DOCK7: variants seen among roughly 807,000 people sequenced by gnomAD.
DOCK7 encodes the protein dedicator of cytokinesis protein 7.
A neutral mutation model predicts 271.0 loss-of-function variants in DOCK7; 138 were observed. The observed-to-expected ratio is 0.51, with a 90% confidence interval of 0.44 to 0.59. DOCK7 has a LOEUF of 0.59. Among genes scored for constraint, DOCK7 ranks in the 20% least tolerant of loss-of-function variants. The probability of loss-of-function intolerance (pLI) is 0.00; values close to 1 mark genes in which losing one functional copy is unlikely to be tolerated. For missense variants in DOCK7, 2,066 were observed against 2,592.4 expected (o/e 0.80, Z 4.41); for synonymous variants, 823 against 876.1 (o/e 0.94, Z 1.07).
intron 14 of DOCK7, chr1:62,598,623 T>C (rs1649641067): frequency 4.9e-6 from 4 of 810,780 alleles, no homozygotes; most frequent in East Asian, 2.5e-5. Flanking sequence ...ATTTAGATTA[T>C]GATAGTGTTA....
intron 1 of DOCK7, among the ~76,000 whole-genome samples, chr1:62,670,787 G>C (rs1165805984): frequency 6.6e-6 from 1 of 152,170 alleles, no homozygotes; most frequent in Non-Finnish European, 1.5e-5. Context: ...CAATCAGCAG[G>C]ATGTGGGTGG....
chr1:62,625,810 T>TTA (rs1653880828), intron 11 of DOCK7, among the ~76,000 whole-genome samples: 1 of 152,166 alleles, frequency 6.6e-6, no homozygotes, highest in Non-Finnish European at 1.5e-5. Context: ...GATAATCCTA[T>TTA]TATTTAAAAC....
chr1:62,495,743 T>A (rs1423704656), intron 38 of DOCK7, 62 bp from the exon 39 acceptor site: 2 of 1,298,800 alleles, frequency 1.5e-6, no homozygotes, highest in Non-Finnish European at 2.1e-6. Flanking sequence ...ATCACCAAAT[T>A]AGTTTCAGAG....
At chr1:62,624,879 G>T (rs1430355349) in intron 12 of DOCK7, among the ~76,000 whole-genome samples, 7 of 151,952 alleles carry the variant, frequency 4.6e-5, no homozygotes, top group Non-Finnish European at 8.8e-5. Flanking sequence ...GCTGAGGCAG[G>T]GAGAACTGCT....
intron 37 of DOCK7, among the ~76,000 whole-genome samples, chr1:62,501,139 C>T (rs1481097741): frequency 2.6e-5 from 4 of 152,090 alleles, no homozygotes; most frequent in South Asian, 4.1e-4. Context: ...CCTGAGCCTA[C>T]GAGTTCAAGA....
At chr1:62,479,128 C>T (rs1646045981) in intron 43 of DOCK7, 1 of 151,982 alleles carries the variant, frequency 6.6e-6, no homozygotes, top group Non-Finnish European at 1.5e-5. Flanking sequence ...TAAGTAAATA[C>T]CTCTGAATTC....
At chr1:62,688,133 C>T in intron 1 of DOCK7, 94 bp downstream of exon 1, 1 of 1,205,144 alleles carries the variant, frequency 8.3e-7, no homozygotes, top group Non-Finnish European at 1.0e-6. Context: ...GTGCCGGCCC[C>T]GCCACACCCA....
chr1:62,475,430 T>G, intron 46 of DOCK7, 79 bp from the exon 47 acceptor site: 1 of 1,432,492 alleles, frequency 7.0e-7, no homozygotes, highest in Non-Finnish European at 9.3e-7. Flanking sequence ...CAACTGAAAT[T>G]AGAAAAAAAA....
chr1:62,666,185 T>TA (rs1659299842), intron 1 of DOCK7, among the ~76,000 whole-genome samples: 1 of 151,822 alleles, frequency 6.6e-6, no homozygotes, highest in African/African-American at 2.4e-5. Context: ...AATAAAAATT[T>TA]AAAAAATCAC....
In DOCK7 at chr1:62,601,848, T is replaced by C. The variant is rs538757784; in HGVS notation, c.1683-15224A>G. The C allele has an allele frequency of 1.9e-5, 30 of 1,609,810 alleles. No homozygotes were observed. The South Asian group carries it at 2.7e-4, about 15-fold the overall frequency. Reference sequence around the variant, plus strand: ...TGTATGCCATCAGACCCAGCAACTCTCAAGTTTTTCATGTCTACTGTGATG... The same window carrying C: ...TGTATGCCATCAGACCCAGCAACTCCCAAGTTTTTCATGTCTACTGTGATG... On this transcript the variant is annotated intron_variant, in intron 14 of 49. Coordinates refer to ENST00000635253, the MANE Select transcript of DOCK7 (RefSeq NM_001367561.1).
intron 14 of DOCK7, chr1:62,604,822 A>G (rs1557788896): frequency 1.2e-6 from 2 of 1,612,014 alleles, no homozygotes; most frequent in Admixed American, 1.7e-5. Context: ...GAATGAACTG[A>G]GGCAAATTTA....
At chr1:62,653,673 T>C (rs1033164006) in intron 4 of DOCK7, 52 bp downstream of exon 4, 1 of 1,192,618 alleles carries the variant, frequency 8.4e-7, no homozygotes, top group Non-Finnish European at 1.2e-6. Context: ...CCTTAATCCA[T>C]TTAGAAATCT....
intron 47 of DOCK7, among the ~76,000 whole-genome samples, chr1:62,474,919 TAA>T (rs1460614477): frequency 1.3e-5 from 2 of 152,170 alleles, no homozygotes; most frequent in Admixed American, 6.5e-5. Context: ...CTGGGGAAGG[TAA>T]CATCAGGGAG....
chr1:62,495,329 C>A (rs1031058056), intron 39 of DOCK7: 3 of 245,146 alleles, frequency 1.2e-5, no homozygotes, highest in Non-Finnish European at 2.3e-5. Flanking sequence ...CGGTGGCTCA[C>A]GTCTGTAATC....
chr1:62,514,430 G>C (rs1381849591), intron 31 of DOCK7, among the ~76,000 whole-genome samples: 2 of 151,988 alleles, frequency 1.3e-5, no homozygotes, highest in African/African-American at 4.8e-5. Flanking sequence ...AGCATATAAG[G>C]TTGAAATGCT....
chr1:62,475,158 C>T, intron 47 of DOCK7, 50 bp downstream of exon 47: 1 of 1,533,914 alleles, frequency 6.5e-7, no homozygotes, highest in Non-Finnish European at 8.8e-7. Context: ...GAAATTATCC[C>T]AAATCGTATT....
chr1:62,674,046 T>C (rs1660291109), intron 1 of DOCK7, among the ~76,000 whole-genome samples: 1 of 152,016 alleles, frequency 6.6e-6, no homozygotes, highest in African/African-American at 2.4e-5. Context: ...TTATCCTGTA[T>C]ACAGAAAATT....
intron 14 of DOCK7, among the ~76,000 whole-genome samples, chr1:62,606,992 G>A (rs1651091401): frequency 6.6e-6 from 1 of 152,024 alleles, no homozygotes. Context: ...TGGATCACCT[G>A]AGGTCAGGAG....
chr1:62,686,063 A>G (rs1557910385), intron 1 of DOCK7, among the ~76,000 whole-genome samples: 1 of 152,156 alleles, frequency 6.6e-6, no homozygotes, highest in African/African-American at 2.4e-5. Flanking sequence ...CCAACTCTCT[A>G]AAGTGCACTT....
Sources: allele counts gnomAD v4.1 joint callset (sites outside exome capture counted in the v4.1 genomes callset), GRCh38; gene constraint gnomAD v4.1.1; transcripts MANE v1.5; gene names NCBI Gene and HGNC (gene_info 2026-07-23, HGNC 2026-07-21).